The following SUCLA2 variants were observed in gnomAD, a reference collection of about 807,000 sequenced individuals.
SUCLA2 encodes the protein succinate--CoA ligase [ADP-forming] subunit beta, mitochondrial.
Under a neutral mutation model 54.8 loss-of-function variants are expected in SUCLA2, and 30 were observed. The observed-to-expected ratio is 0.55, with a 90% CI of 0.41 to 0.74. SUCLA2 has a LOEUF of 0.74. SUCLA2 is among the 30% of genes least tolerant of loss of function. The pLI is 0.00. For synonymous variants in SUCLA2, 172 were observed against 188.9 expected (o/e 0.91, Z 0.74); for missense variants, 476 against 562.9 (o/e 0.85, Z 1.56).
At chr13:47,958,871 C>G (rs1386034811) in intron 6 of SUCLA2, among the ~76,000 whole-genome samples, 2 of 152,124 alleles carry the variant, frequency 1.3e-5, no homozygotes, top group Admixed American at 1.3e-4. Flanking sequence ...TCTAGATAAA[C>G]TGTTTAAAAT....
At chr13:47,945,810 G>A (rs971102360) in intron 10 of SUCLA2, 12 of 152,226 alleles carry the variant, frequency 7.9e-5, no homozygotes, top group Admixed American at 6.5e-5. Context: ...ACTGTGTGTT[G>A]TTCTGAGAAG....
chr13:47,989,716 T>C (rs1254190678), intron 2 of SUCLA2, among the ~76,000 whole-genome samples: 3 of 152,146 alleles, frequency 2.0e-5, no homozygotes, highest in East Asian at 1.9e-4. Context: ...ATCTGAGTTA[T>C]ATCGCTATAG....
chr13:47,992,388 CAAAAAA>C (rs35103136), intron 2 of SUCLA2, among the ~76,000 whole-genome samples: 1 of 93,072 alleles, frequency 1.1e-5, no homozygotes, highest in Non-Finnish European at 2.0e-5. Context: ...ACAACGAAAG[CAAAAAA>C]AAAAAAAAAA....
At chr13:47,959,491 AAGGGGAGCGGGGGGAGG>A (rs1343438525) in intron 6 of SUCLA2, among the ~76,000 whole-genome samples, 9 of 32,226 alleles carry the variant, frequency 2.8e-4, no homozygotes, top group Admixed American at 1.6e-3. Flanking sequence ...AGGAGGGGGG[AAGGGGAGCGGGGGGAGG>A]AGGAGGAGGA....
intron 6 of SUCLA2, among the ~76,000 whole-genome samples, chr13:47,961,580 A>C (rs1413084476): frequency 6.6e-6 from 1 of 152,166 alleles, no homozygotes; most frequent in East Asian, 1.9e-4. Context: ...CAGGCTTATT[A>C]GGCTTGTTAT....
intron 8 of SUCLA2, among the ~76,000 whole-genome samples, chr13:47,950,481 T>A (rs1295494201): frequency 6.6e-6 from 1 of 152,142 alleles, no homozygotes; most frequent in Non-Finnish European, 1.5e-5. Context: ...TCCCCATCAA[T>A]GTAATCAACG....
intron 2 of SUCLA2, among the ~76,000 whole-genome samples, chr13:47,993,201 C>A (rs913384282): frequency 3.3e-5 from 5 of 152,214 alleles, no homozygotes; most frequent in African/African-American, 1.2e-4. Flanking sequence ...CACTGCACTC[C>A]AGCCTGGGTG....
chr13:48,000,829 A>T, intron 1 of SUCLA2: 2 of 1,109,392 alleles, frequency 1.8e-6, no homozygotes, highest in Non-Finnish European at 2.2e-6. Context: ...GGGGCGGCGC[A>T]AGTCTCAGCC....
At chr13:47,965,393 T>A (rs2137710562) in intron 6 of SUCLA2, among the ~76,000 whole-genome samples, 1 of 149,806 alleles carries the variant, frequency 6.7e-6, no homozygotes, top group Non-Finnish European at 1.5e-5. Context: ...ATAATGTACC[T>A]CCTGACATTG....
chr13:47,951,390 A>G (rs1305406785), intron 8 of SUCLA2, among the ~76,000 whole-genome samples: 1 of 148,058 alleles, frequency 6.8e-6, no homozygotes, highest in African/African-American at 2.5e-5. Flanking sequence ...TCTCAATGGA[A>G]CTGACTTTCT....
At chr13:47,962,599 G>C (rs1465191095) in intron 6 of SUCLA2, among the ~76,000 whole-genome samples, 3 of 152,154 alleles carry the variant, frequency 2.0e-5, no homozygotes, top group South Asian at 4.1e-4. Context: ...ACACCAGAGA[G>C]AGAAATATTA....
At chr13:47,968,160 A>G (rs1276287127) in intron 6 of SUCLA2, among the ~76,000 whole-genome samples, 2 of 152,212 alleles carry the variant, frequency 1.3e-5, no homozygotes, top group East Asian at 3.8e-4. Context: ...GCACTGCCCA[A>G]TAAAACCTTC....
At chr13:47,959,701 A>C (rs1290594027) in intron 6 of SUCLA2, among the ~76,000 whole-genome samples, 1 of 152,254 alleles carries the variant, frequency 6.6e-6, no homozygotes, top group African/African-American at 2.4e-5. Context: ...AAGAGAAAAC[A>C]GAACACAGAA....
chr13:47,997,526 G>T (rs1950200307), intron 1 of SUCLA2, among the ~76,000 whole-genome samples: 1 of 152,108 alleles, frequency 6.6e-6, no homozygotes, highest in East Asian at 1.9e-4. Flanking sequence ...GATCTCCCTG[G>T]CACTCCCCAT....
intron 1 of SUCLA2, chr13:48,000,798 G>A: frequency 1.0e-6 from 1 of 1,002,212 alleles, no homozygotes; most frequent in African/African-American, 1.7e-5. Context: ...CTTTTGAAGG[G>A]CATTCCCCCC....
At chr13:47,964,629 G>A (rs150730291) in intron 6 of SUCLA2, among the ~76,000 whole-genome samples, 4,440 of 152,152 alleles carry the variant, frequency 0.029, 100 homozygotes, top group South Asian at 0.082. Context: ...AGGCCAAGGC[G>A]GGCGGATCAC....
At chr13:47,950,420 T>A (rs1484339284) in intron 8 of SUCLA2, among the ~76,000 whole-genome samples, 1 of 152,166 alleles carries the variant, frequency 6.6e-6, no homozygotes, top group East Asian at 1.9e-4. Flanking sequence ...GCCTCTCAGA[T>A]CCCCTGGCCT....
chr13:47,960,561 G>A (rs1342648230), intron 6 of SUCLA2, among the ~76,000 whole-genome samples: 1 of 152,140 alleles, frequency 6.6e-6, no homozygotes, highest in Non-Finnish European at 1.5e-5. Context: ...AAGAAAAACT[G>A]TGATGTGGGT....
intron 1 of SUCLA2, 73 bp downstream of exon 1, chr13:48,001,107 G>C (rs924594672): frequency 8.4e-6 from 13 of 1,539,502 alleles, no homozygotes; most frequent in Non-Finnish European, 1.1e-5. Context: ...CCCCGAGCCG[G>C]GCCACGGGAC....
Sources: allele counts gnomAD v4.1 joint callset (sites outside exome capture counted in the v4.1 genomes callset), GRCh38; gene constraint gnomAD v4.1.1; transcripts MANE v1.5; gene names NCBI Gene and HGNC (gene_info 2026-07-23, HGNC 2026-07-21).